The following PLCB1 variants were observed in gnomAD, a reference collection of about 807,000 sequenced individuals.
PLCB1 encodes the protein phospholipase C beta 1.
PLCB1 carries 46 observed loss-of-function variants against 161.8 expected under a neutral mutation model. The ratio of observed to expected loss-of-function variants is 0.28; its 90% confidence interval spans 0.22 to 0.36. PLCB1 has a LOEUF of 0.36. Ranked by LOEUF, PLCB1 falls within the 10% of genes least tolerant of loss-of-function variation. The probability of loss-of-function intolerance (pLI) is 1.00; values close to 1 mark genes in which losing one functional copy is unlikely to be tolerated. For synonymous variants in PLCB1, 517 were observed against 503.7 expected, an observed-to-expected ratio of 1.03 and a Z score of -0.35; for missense variants, 1,016 against 1,472.5, an observed-to-expected ratio of 0.69 and a Z score of 5.07.
At chr20:8,364,444 G>A (rs536771606) in intron 2 of PLCB1, among the ~76,000 whole-genome samples, 4 of 152,306 alleles carry the variant, frequency 2.6e-5, no homozygotes, top group Middle Eastern at 3.4e-3. Flanking sequence ...ATGAGAGCAT[G>A]AGAGCATGGA....
chr20:8,720,279 CA>C (rs1205761850), intron 14 of PLCB1, among the ~76,000 whole-genome samples: 2 of 152,172 alleles, frequency 1.3e-5, no homozygotes, highest in Non-Finnish European at 2.9e-5. Context: ...ACGATTTTTA[CA>C]GGCAGTGAAC....
intron 3 of PLCB1, among the ~76,000 whole-genome samples, chr20:8,589,725 C>T (rs535390283): frequency 1.3e-5 from 2 of 150,950 alleles, no homozygotes; most frequent in Non-Finnish European, 2.9e-5. Context: ...AAGCAATCCT[C>T]CCACCTCAGC....
At chr20:8,737,892 C>A (rs973403777) in intron 20 of PLCB1, among the ~76,000 whole-genome samples, 7 of 152,188 alleles carry the variant, frequency 4.6e-5, no homozygotes, top group African/African-American at 1.4e-4. Context: ...ATAATGCTTA[C>A]TATACTGTTT....
intron 2 of PLCB1, among the ~76,000 whole-genome samples, chr20:8,369,906 G>C (rs1986850510): frequency 6.6e-6 from 1 of 152,142 alleles, no homozygotes. Context: ...TTTACTACAA[G>C]GCAATCTTAG....
intron 2 of PLCB1, among the ~76,000 whole-genome samples, chr20:8,283,237 C>T (rs1982959443): frequency 6.6e-6 from 1 of 152,102 alleles, no homozygotes; most frequent in East Asian, 1.9e-4. Context: ...TAATCCTATG[C>T]CCATGTAAAA....
intron 4 of PLCB1, among the ~76,000 whole-genome samples, chr20:8,636,883 A>T (rs1210188143): frequency 2.0e-5 from 3 of 152,170 alleles, no homozygotes; most frequent in Admixed American, 2.0e-4. Context: ...CAGCAATAGC[A>T]TCTCTTCTTT....
chr20:8,534,757 A>G (rs1984972611), intron 3 of PLCB1, among the ~76,000 whole-genome samples: 1 of 152,106 alleles, frequency 6.6e-6, no homozygotes, highest in African/African-American at 2.4e-5. Context: ...AGGAAGGGAG[A>G]ATAATGGAGC....
chr20:8,423,903 A>C (rs1979640338), intron 3 of PLCB1, among the ~76,000 whole-genome samples: 1 of 152,272 alleles, frequency 6.6e-6, no homozygotes, highest in African/African-American at 2.4e-5. Flanking sequence ...TTTAATACAC[A>C]CAATAAATAG....
chr20:8,634,167 G>A (rs1215879292), intron 4 of PLCB1, among the ~76,000 whole-genome samples: 1 of 152,072 alleles, frequency 6.6e-6, no homozygotes, highest in Non-Finnish European at 1.5e-5. Flanking sequence ...CAAACTTGTT[G>A]AGCCATTTTG....
intron 2 of PLCB1, among the ~76,000 whole-genome samples, chr20:8,162,494 A>G (rs1195785622): frequency 6.6e-6 from 1 of 152,246 alleles, no homozygotes. Context: ...AGAGAGCTAG[A>G]TAATTTCAGG....
At chr20:8,291,041 G>GAA (rs201744273) in intron 2 of PLCB1, among the ~76,000 whole-genome samples, 8 of 120,686 alleles carry the variant, frequency 6.6e-5, no homozygotes, top group East Asian at 2.3e-4. Context: ...ATCTTTTTGT[G>GAA]AAAAAAAAAA....
In PLCB1 at chr20:8,861,691, C is replaced by T. The variant is rs546112104; in HGVS notation, c.3424-19931C>T. Among the ~76,000 whole-genome samples the T allele has an allele frequency of 3.9e-4, 55 of 140,066 alleles. 1 individual carries two copies. The South Asian group carries it at 0.012, about 29-fold the overall frequency. 91.9% of individuals were successfully genotyped at this position (140,066 alleles called of 152,430 possible). On this transcript the variant is annotated intron_variant, in intron 31 of 31. Coordinates refer to ENST00000338037, the MANE Select transcript of PLCB1 (RefSeq NM_015192.4). ...CTTGCAGTGAGGTGAGATCGTGCCA[C>T]TGCACTCCAGCCTGGTGACAGAGTG... is the stretch of plus-strand genomic sequence containing the variant.
At chr20:8,387,218 C>T (rs755659350) in intron 3 of PLCB1, among the ~76,000 whole-genome samples, 10 of 152,160 alleles carry the variant, frequency 6.6e-5, no homozygotes, top group Non-Finnish European at 1.3e-4. Flanking sequence ...GCTTTTGACA[C>T]GCCTTCCTCA....
chr20:8,660,688 C>G (rs1989598059), intron 9 of PLCB1, among the ~76,000 whole-genome samples: 1 of 152,100 alleles, frequency 6.6e-6, no homozygotes, highest in South Asian at 2.1e-4. Flanking sequence ...ATGATGTCTC[C>G]TAGCATTTGC....
intron 2 of PLCB1, among the ~76,000 whole-genome samples, chr20:8,325,722 A>G (rs1179290564): frequency 6.6e-6 from 1 of 152,186 alleles, no homozygotes; most frequent in African/African-American, 2.4e-5. Context: ...CTTAGAGTCC[A>G]TGCTTTTGTG....
intron 3 of PLCB1, among the ~76,000 whole-genome samples, chr20:8,438,630 A>G (rs911182708): frequency 6.6e-6 from 1 of 152,208 alleles, no homozygotes; most frequent in East Asian, 1.9e-4. Context: ...TCTCTTAGCC[A>G]CAATGTCTAG....
intron 11 of PLCB1, among the ~76,000 whole-genome samples, chr20:8,699,512 T>C (rs1340883494): frequency 6.6e-6 from 1 of 152,000 alleles, no homozygotes; most frequent in African/African-American, 2.4e-5. Flanking sequence ...TTAAAGAAGA[T>C]TGAAAGGTAG....
chr20:8,162,373 C>A (rs947575441), intron 2 of PLCB1, among the ~76,000 whole-genome samples: 2 of 152,124 alleles, frequency 1.3e-5, no homozygotes, highest in African/African-American at 4.8e-5. Flanking sequence ...TTTTTCATTT[C>A]TGGGATACAA....
rs187794429 is a variant in PLCB1, at chr20:8,812,474, T to C, written c.3423+22213T>C. ...GAAAGCTGGGACAAGACAAAGAGGC[T>C]CCCTCTGGTGTTGACTTCATAACTG... On this transcript the variant is annotated intron_variant, in intron 31 of 31. Transcript: ENST00000338037. Among the ~76,000 whole-genome samples, 289 of 152,198 alleles carry C rather than the reference T, an allele frequency of 1.9e-3. 2 individuals are homozygous for C. The highest frequency in any genetic ancestry group is 6.8e-3 in the African/African-American group (282 of 41,514).
Sources: gnomAD v4.1 joint callset for allele counts (sites outside exome capture counted in the v4.1 genomes callset) on GRCh38, gnomAD v4.1.1 for gene constraint, MANE v1.5 for transcripts, NCBI Gene and HGNC (gene_info 2026-07-23, HGNC 2026-07-21) for gene names.